The following PDE1C variants were observed in gnomAD, a reference collection of about 807,000 sequenced individuals.
PDE1C encodes the protein phosphodiesterase 1C, also known as dual specificity calcium/calmodulin-dependent 3',5'-cyclic nucleotide phosphodiesterase 1C.
PDE1C carries 62 observed loss-of-function variants against 93.1 expected under a neutral mutation model. The ratio of observed to expected loss-of-function variants is 0.67; its 90% CI spans 0.54 to 0.82. The LOEUF (loss-of-function observed/expected upper bound fraction) is 0.82, where lower values mean the gene tolerates loss of function less well. Ranked by LOEUF, PDE1C falls within the 40% of genes least tolerant of loss-of-function variation. The probability of loss-of-function intolerance (pLI) is 0.00; values close to 1 mark genes in which losing one functional copy is unlikely to be tolerated. For missense variants in PDE1C, 742 were observed against 884.6 expected (o/e 0.84, Z 2.04); for synonymous variants, 325 against 310.1 (o/e 1.05, Z -0.50).
intron 1 of PDE1C, among the ~76,000 whole-genome samples, chr7:32,250,101 C>T (rs1809254625): frequency 6.6e-6 from 1 of 152,098 alleles, no homozygotes; most frequent in South Asian, 2.1e-4. Flanking sequence ...AATGAGCTGC[C>T]CTAGGTCAGC....
downstream of PDE1C, among the ~76,000 whole-genome samples, chr7:31,747,432 C>G (rs1297885464): frequency 6.6e-6 from 1 of 152,054 alleles, no homozygotes; most frequent in Admixed American, 6.6e-5. Context: ...AAATTATTAC[C>G]TGGATTTTGA....
the PDE1C span, among the ~76,000 whole-genome samples, chr7:31,719,516 C>G: frequency 6.6e-6 from 1 of 152,144 alleles, no homozygotes; most frequent in Non-Finnish European, 1.5e-5. Flanking sequence ...TCTCTTTACC[C>G]TGGTCAATGC....
At chr7:32,161,200 T>C (rs570379303) in intron 3 of PDE1C, among the ~76,000 whole-genome samples, 2 of 152,094 alleles carry the variant, frequency 1.3e-5, no homozygotes, top group Admixed American at 1.3e-4. Flanking sequence ...CCCAGAAAAA[T>C]TTGTATCTAA....
chr7:32,336,952 T>C (rs554691541), intron 1 of PDE1C, among the ~76,000 whole-genome samples: 2 of 152,268 alleles, frequency 1.3e-5, no homozygotes, highest in South Asian at 2.1e-4. Flanking sequence ...CATTGAAGCA[T>C]ACTTTCTACA....
At chr7:32,413,814 T>C (rs1785220418) in intron 1 of PDE1C, among the ~76,000 whole-genome samples, 1 of 152,176 alleles carries the variant, frequency 6.6e-6, no homozygotes. Context: ...TAACCTTGGA[T>C]AAGATTAGAG....
chr7:31,855,998 G>A (rs1409543615), intron 7 of PDE1C, among the ~76,000 whole-genome samples: 1 of 152,044 alleles, frequency 6.6e-6, no homozygotes, highest in Non-Finnish European at 1.5e-5. Flanking sequence ...TTGGAAATGA[G>A]CAAAATAATT....
chr7:31,698,803 T>G, the PDE1C span, among the ~76,000 whole-genome samples: 10 of 152,304 alleles, frequency 6.6e-5, no homozygotes, highest in Middle Eastern at 3.4e-3. Context: ...ATTTCCAAGG[T>G]GCACAGGAAA....
chr7:31,652,687 G>T, the PDE1C span: 1 of 1,613,892 alleles, frequency 6.2e-7, no homozygotes, highest in Non-Finnish European at 8.5e-7. Flanking sequence ...TGTTCAGGTG[G>T]GACCCAGTTG....
chr7:31,828,410 G>A, intron 11 of PDE1C, 37 bp from the exon 12 acceptor site: 1 of 1,545,010 alleles, frequency 6.5e-7, no homozygotes, highest in Non-Finnish European at 8.9e-7. Flanking sequence ...TTAAGGAACA[G>A]TAGGCTGGGT....
At chr7:32,284,760 C>G (rs1811891389) in intron 1 of PDE1C, among the ~76,000 whole-genome samples, 1 of 152,186 alleles carries the variant, frequency 6.6e-6, no homozygotes, top group African/African-American at 2.4e-5. Context: ...AGGCTGGGCA[C>G]AGTGGCTCAC....
rs375446124 is a variant in PDE1C, at chr7:32,085,146, C to T, written c.308+84639G>A. Reference sequence around the variant, plus strand: ...AAAAAAGAGAGAAGAATCAAATAGACGCAATAAAAAATGATAAAGGAGATA... The same window carrying T: ...AAAAAAGAGAGAAGAATCAAATAGATGCAATAAAAAATGATAAAGGAGATA... On this transcript the variant is annotated intron_variant, in intron 3 of 18. Transcript: ENST00000396193. Among the ~76,000 whole-genome samples the T allele has an allele frequency of 2.9e-3, 434 of 151,258 alleles. 3 individuals are homozygous for T. Among genetic ancestry groups the T allele is most frequent in the Non-Finnish European group, 3.4e-3 (228 of 67,872 alleles).
At chr7:32,170,517 G>A (rs900505786) in intron 2 of PDE1C, among the ~76,000 whole-genome samples, 1 of 152,276 alleles carries the variant, frequency 6.6e-6, no homozygotes, top group Middle Eastern at 3.4e-3. Flanking sequence ...TACAAAAGTA[G>A]AGCCTGATCT....
intron 1 of PDE1C, among the ~76,000 whole-genome samples, chr7:32,220,011 C>G (rs879408956): frequency 6.6e-6 from 1 of 152,180 alleles, no homozygotes; most frequent in South Asian, 2.1e-4. Context: ...GGCTCTCATT[C>G]TCTCTTATCT....
intron 2 of PDE1C, among the ~76,000 whole-genome samples, chr7:32,050,958 C>A (rs1793268607): frequency 6.6e-6 from 1 of 152,174 alleles, no homozygotes; most frequent in Non-Finnish European, 1.5e-5. Flanking sequence ...TAGGTTAGGG[C>A]CAGTGACCAC....
chr7:32,083,492 T>G (rs1796851335), intron 3 of PDE1C, among the ~76,000 whole-genome samples: 1 of 152,010 alleles, frequency 6.6e-6, no homozygotes, highest in Non-Finnish European at 1.5e-5. Context: ...ATTCAGGAAA[T>G]ACAGAGAATG....
At chr7:31,731,939 T>C in the PDE1C span, among the ~76,000 whole-genome samples, 2 of 152,166 alleles carry the variant, frequency 1.3e-5, no homozygotes, top group Non-Finnish European at 2.9e-5. Context: ...CCTGATAAAG[T>C]GGGATGTTAC....
At chr7:31,758,040 T>G (rs1210481407) in intron 17 of PDE1C, among the ~76,000 whole-genome samples, 2 of 152,100 alleles carry the variant, frequency 1.3e-5, no homozygotes, top group Non-Finnish European at 2.9e-5. Context: ...AGCAAACTAT[T>G]GCAAGGACAA....
chr7:31,989,541 A>G (rs1783898503), intron 2 of PDE1C, among the ~76,000 whole-genome samples: 2 of 152,214 alleles, frequency 1.3e-5, no homozygotes, highest in African/African-American at 2.4e-5. Flanking sequence ...TATATGCACA[A>G]CAATGAGGTT....
At chr7:31,620,161 G>A in the PDE1C span, among the ~76,000 whole-genome samples, 2 of 152,156 alleles carry the variant, frequency 1.3e-5, no homozygotes, top group Admixed American at 1.3e-4. Context: ...GCCTCTGCAG[G>A]CTCCACCTCT....
Sources: allele counts gnomAD v4.1 joint callset (sites outside exome capture counted in the v4.1 genomes callset), GRCh38; gene constraint gnomAD v4.1.1; transcripts MANE v1.5; gene names NCBI Gene and HGNC (gene_info 2026-07-23, HGNC 2026-07-21).